COQ8A: variants seen among roughly 807,000 people sequenced by gnomAD.
The protein encoded by COQ8A is atypical kinase COQ8A, mitochondrial.
A neutral mutation model predicts 65.0 loss-of-function variants in COQ8A; 51 were observed. The ratio of observed to expected loss-of-function variants is 0.78; its 90% CI spans 0.63 to 0.99. COQ8A has a LOEUF of 0.99. COQ8A is among the 50% of genes least tolerant of loss of function. The pLI, the probability that COQ8A is intolerant of heterozygous loss-of-function variation, is 0.00. For synonymous variants in COQ8A, 371 were observed against 353.2 expected, an observed-to-expected ratio of 1.05 and a Z score of -0.57; for missense variants, 940 against 875.0, an observed-to-expected ratio of 1.07 and a Z score of -0.94.
rs778508317 is a variant in COQ8A, at chr1:226,982,928, G to A, written c.974G>A (p.Arg325Gln). The change falls in exon 8 of 15, where the codon CGG (arginine) becomes CAG (glutamine). Residue 325 changes from arginine to glutamine, a missense_variant. Coordinates refer to ENST00000366777, the MANE Select transcript of COQ8A (RefSeq NM_020247.5). Reference sequence around the variant, plus strand: ...AACAACGACCTGGGCCCCAACTGGCGGGACAAGTTGGAATACTTCGAGGAG... The same window carrying A: ...AACAACGACCTGGGCCCCAACTGGCAGGACAAGTTGGAATACTTCGAGGAG... ...TLNNDLGPNW[R>Q]DKLEYFEERP... 23 of 1,612,072 alleles carry A rather than the reference G, an allele frequency of 1.4e-5. No homozygotes were observed. Among genetic ancestry groups the A allele is most frequent in the South Asian group, 5.5e-5 (5 of 90,994 alleles).
Position 226,965,177 on chromosome 1 carries a change from T to C in COQ8A, c.355T>C (p.Tyr119His), listed in dbSNP as rs1381984584. Residue 119 changes from tyrosine (Y) to histidine (H), a missense_variant, in exon 3 of 15, where the codon TAC becomes CAC. Transcript: ENST00000366777. ...CCACAGCGAGGGCCCAGCTCCTGCC[T>C]ACGTGGCCAGTGGACCCTTTAGAGA... ...HAHSEGPAPAYVASGPFREAG... is the reference protein window; with the variant it reads ...HAHSEGPAPAHVASGPFREAG... The C allele has an allele frequency of 6.2e-7, 1 of 1,613,602 alleles. No homozygotes were observed. The highest frequency in any genetic ancestry group is 8.5e-7 in the Non-Finnish European group (1 of 1,180,026).
rs764847439 is a variant in COQ8A at position 226,986,631 on chromosome 1, TGGG to T, written c.1842_1844del (p.Gly615del). On this transcript the variant is annotated inframe_deletion, in exon 15 of 15. Coordinates refer to ENST00000366777, the MANE Select transcript of COQ8A (RefSeq NM_020247.5). The stretch of plus-strand genomic sequence containing the variant: ...GAAACCTACTCCCTGCACAGGAAGA[TGGG>T]GGGCTCCTTCCTCATCTGCTCCAAG... 5.0e-6 allele frequency: 8 copies of T among 1,613,580 alleles called. No homozygotes were observed. Among genetic ancestry groups the T allele is most frequent in the Admixed American group, 3.3e-5 (2 of 59,934 alleles).
intron 5 of COQ8A, among the ~76,000 whole-genome samples, chr1:226,978,038 A>G (rs903173570): frequency 6.2e-5 from 8 of 129,448 alleles, no homozygotes; most frequent in Non-Finnish European, 9.7e-5. Context: ...CAGACCTTAC[A>G]CACCCCTTGC....
At position 226,946,129 on chromosome 1, in the gene COQ8A, T is replaced by C. The variant is rs1161225767; in HGVS notation, c.-10+5730T>C. 6.6e-6 allele frequency among the ~76,000 whole-genome samples: 1 copy of C among 151,868 alleles called. No homozygotes were observed. ...TGTATGAGGACAGTGCCAGACCCCG[T>C]TGGGGGTACAGAACTGGGAAAGAGA... is the stretch of plus-strand genomic sequence containing the variant. On this transcript the variant is annotated intron_variant, in intron 1 of 14. Coordinates refer to ENST00000366777, the MANE Select transcript of COQ8A (RefSeq NM_020247.5). The surrounding 1 kb of genome is among the most constrained non-coding windows in gnomAD (Gnocchi z 5.3).
rs755137919 is a variant in COQ8A at position 226,986,887 on chromosome 1, C to T, written c.*150C>T. 1.2e-5 allele frequency: 11 copies of T among 944,476 alleles called. No individual in the cohort carries two copies. The highest frequency in any genetic ancestry group is 1.6e-5 in the African/African-American group (1 of 60,742). The allele number at this position is 944,476 out of a possible 1,614,324, so 58.5% of individuals were successfully genotyped here. The stretch of plus-strand genomic sequence containing the variant: ...GGAGCCCCGTAGCCAGCGCTTTCCA[C>T]GGTTTCTGTTGCTAAATGGTTGTAG... On this transcript the variant is annotated 3_prime_UTR_variant, in exon 15 of 15. Coordinates refer to ENST00000366777, the MANE Select transcript of COQ8A (RefSeq NM_020247.5).
chr1:226,985,636 G>A (rs905277398), intron 14 of COQ8A, among the ~76,000 whole-genome samples: 5 of 152,344 alleles, frequency 3.3e-5, no homozygotes, highest in African/African-American at 1.2e-4. Flanking sequence ...TGCAGAGCAA[G>A]TGGGAAGGGA....
Position 226,985,336 on chromosome 1 carries a change from T to C in COQ8A, c.1655T>C (p.Val552Ala), listed in dbSNP as rs1165249960. The C allele has an allele frequency of 6.2e-7, 1 of 1,613,328 alleles. No individual in the cohort carries two copies. The highest frequency in any genetic ancestry group is 1.7e-5 in the Admixed American group (1 of 60,020). The change falls in exon 14 of 15, where the codon GTC becomes GCC. Residue 552 changes from valine to alanine, a missense_variant. Physicochemically the swap from Val to Ala is moderately conservative, Grantham distance 64. Coordinates refer to ENST00000366777, the MANE Select transcript of COQ8A (RefSeq NM_020247.5). ...ATGAAGTTCCTCACCGGCTACGAGG[T>C]CAAGGTGAGCAGGGTTGCGGGGGAT... The part of the protein sequence containing the change: ...IEMKFLTGYE[V>A]KVMEDAHLDA...
chr1:226,971,119 T>G (rs1233038928), intron 4 of COQ8A, among the ~76,000 whole-genome samples: 6 of 152,026 alleles, frequency 3.9e-5, no homozygotes, highest in Non-Finnish European at 8.8e-5. Context: ...TTTTGTATTT[T>G]TAGCAGAGAT....
intron 4 of COQ8A, among the ~76,000 whole-genome samples, chr1:226,969,369 G>A (rs910245190): frequency 6.6e-6 from 1 of 152,080 alleles, no homozygotes; most frequent in African/African-American, 2.4e-5. Flanking sequence ...CACAATCTTG[G>A]CTCACTGCAA....
intron 1 of COQ8A, among the ~76,000 whole-genome samples, chr1:226,941,110 G>A (rs998202745): frequency 1.3e-5 from 2 of 152,200 alleles, no homozygotes; most frequent in Non-Finnish European, 2.9e-5. Context: ...CTCTTTGGGC[G>A]ATGGGGAGTG....
intron 1 of COQ8A, among the ~76,000 whole-genome samples, chr1:226,954,842 C>T (rs999792346): frequency 3.3e-5 from 5 of 152,156 alleles, no homozygotes; most frequent in Non-Finnish European, 7.3e-5. Context: ...TGATATCCGA[C>T]TGGGGAGAGA....
chr1:226,977,291 C>T (rs1024800958), intron 4 of COQ8A, 158 bp from the exon 5 acceptor site: 2 of 646,238 alleles, frequency 3.1e-6, no homozygotes, highest in African/African-American at 1.8e-5. Context: ...CAGGTGGCAT[C>T]TCCCACCTTG....
intron 14 of COQ8A, 94 bp downstream of exon 14, chr1:226,985,434 C>A: frequency 1.4e-6 from 2 of 1,468,420 alleles, no homozygotes; most frequent in Non-Finnish European, 1.9e-6. Context: ...CAGCTGCCCT[C>A]AAGGGGCCCC....
At chr1:226,974,558 CTGG>C (rs1659081194) in intron 4 of COQ8A, among the ~76,000 whole-genome samples, 2 of 152,238 alleles carry the variant, frequency 1.3e-5, no homozygotes, top group Non-Finnish European at 2.9e-5. Context: ...GCCTCCAGTG[CTGG>C]CTGGTTCTAA....
chr1:226,965,880 T>A, intron 4 of COQ8A, 143 bp downstream of exon 4: 1 of 841,672 alleles, frequency 1.2e-6, no homozygotes, highest in Non-Finnish European at 1.9e-6. Context: ...GCATGAGCTT[T>A]TGGGGAGCTG....
In COQ8A at chr1:226,949,106, T is replaced by G. The variant is rs947605544; in HGVS notation, c.-10+8707T>G. On this transcript the variant is annotated intron_variant, in intron 1 of 14. Coordinates refer to ENST00000366777, the MANE Select transcript of COQ8A (RefSeq NM_020247.5). This position sits in a 1 kb window ranked among gnomAD's most constrained non-coding sequence, Gnocchi z 4.0. Reference sequence around the variant, plus strand: ...TCACCCTTGGCTAATGGGTGGGTTTTCAGACGTACAGAGATGAAGGGGCGA... The same window carrying G: ...TCACCCTTGGCTAATGGGTGGGTTTGCAGACGTACAGAGATGAAGGGGCGA... Among the ~76,000 whole-genome samples the G allele has an allele frequency of 1.3e-5, 2 of 152,012 alleles. No homozygotes were observed. Among genetic ancestry groups the G allele is most frequent in the Non-Finnish European group, 2.9e-5 (2 of 68,014 alleles).
rs1659302246 is a variant in COQ8A, at chr1:226,977,370, GC to G, written c.656-75del. On this transcript the variant is annotated intron_variant, in intron 4 of 14. Transcript: ENST00000366777. ...GTGCAAGCGGTGTCTGTGTGGTGCT[GC>G]CCCAGGCCTTGTGGGTGGGCGAGCG... is the stretch of plus-strand genomic sequence containing the variant. The G allele has an allele frequency of 2.3e-5, 32 of 1,396,678 alleles. No homozygotes were observed. In the East Asian group the frequency reaches 7.8e-4, roughly 34 times the overall value. 86.5% of individuals were successfully genotyped at this position (1,396,678 alleles called of 1,614,324 possible).
Position 226,986,603 on chromosome 1 carries a change from G to C in COQ8A, c.1810G>C (p.Glu604Gln). The part of the protein sequence containing the change: ...MLRHRLVPPP[E>Q]ETYSLHRKMG... ...GAGGCACCGTCTCGTCCCCCCACCC[G>C]AGGAAACCTACTCCCTGCACAGGAA... Residue 604 changes from glutamate (E) to glutamine (Q), a missense_variant, in exon 15 of 15, where the codon GAG becomes CAG. By Grantham distance (29) the Glu-to-Gln change is conservative. Coordinates refer to ENST00000366777, the MANE Select transcript of COQ8A (RefSeq NM_020247.5). 6.2e-7 allele frequency: 1 copy of C among 1,613,268 alleles called. No homozygotes were observed. Among genetic ancestry groups the C allele is most frequent in the Non-Finnish European group, 8.5e-7 (1 of 1,179,914 alleles).
At position 226,949,614 on chromosome 1, in the gene COQ8A, C is replaced by G. The variant is rs1188450856; in HGVS notation, c.-10+9215C>G. On this transcript the variant is annotated intron_variant, in intron 1 of 14. Coordinates refer to ENST00000366777, the MANE Select transcript of COQ8A (RefSeq NM_020247.5). This position sits in a 1 kb window ranked among gnomAD's most constrained non-coding sequence, Gnocchi z 4.0. ...AATAAACCACACTGGTCCTCCCCAG[C>G]CCAGCCTTCCTCCCAACTCAGGTAT... Among the ~76,000 whole-genome samples, 10 of 152,162 alleles carry G rather than the reference C, an allele frequency of 6.6e-5. No homozygotes were observed. The highest frequency in any genetic ancestry group is 6.5e-4 in the Admixed American group (10 of 15,270).
Sources: gnomAD v4.1 joint callset for allele counts (sites outside exome capture counted in the v4.1 genomes callset) on GRCh38, gnomAD v4.1.1 for gene constraint, Gnocchi (gnomAD v3.1) non-coding constraint, MANE v1.5 for transcripts, NCBI Gene and HGNC (gene_info 2026-07-23, HGNC 2026-07-21) for gene names.